Variants in RBFOX2 observed in about 807,000 individuals in gnomAD.
RBFOX2 encodes the protein RNA binding fox-1 homolog 2, also known as RNA binding protein fox-1 homolog 2.
In RBFOX2, 10 loss-of-function variants were observed where a neutral mutation model predicts 49.1. The ratio of observed to expected loss-of-function variants is 0.20; its 90% CI spans 0.13 to 0.35. The LOEUF (loss-of-function observed/expected upper bound fraction) is 0.35, where lower values mean the gene tolerates loss of function less well. Ranked by LOEUF, RBFOX2 falls within the 10% of genes least tolerant of loss-of-function variation. RBFOX2 has a pLI of 1.00. For missense variants in RBFOX2, 323 were observed against 486.9 expected, an observed-to-expected ratio of 0.66 and a Z score of 3.17; for synonymous variants, 183 against 187.4, an observed-to-expected ratio of 0.98 and a Z score of 0.19.
At position 35,784,554 on chromosome 22, in the gene RBFOX2, T is replaced by C. The variant is rs184218956; in HGVS notation, c.253-2808A>G. On this transcript the variant is annotated intron_variant, in intron 2 of 11. Coordinates refer to ENST00000405409, the Ensembl canonical transcript of RBFOX2. ...AGGCAGGCAGGCAGTCAGGCAGTCA[T>C]TCAGGTAGAAGACTTTCTAAGGCTT... Among the ~76,000 whole-genome samples the C allele has an allele frequency of 5.3e-5, 8 of 152,374 alleles. No homozygotes were observed. The East Asian group carries it at 1.2e-3, about 22-fold the overall frequency.
upstream of RBFOX2, among the ~76,000 whole-genome samples, chr22:35,939,382 T>A (rs1329259308): frequency 6.6e-6 from 1 of 152,230 alleles, no homozygotes; most frequent in Non-Finnish European, 1.5e-5. Context: ...AGAAAAGTTT[T>A]AGGTCTTCGT....
chr22:35,948,353 AT>A (rs758102463), intron 1 of RBFOX2, among the ~76,000 whole-genome samples: 4 of 152,210 alleles, frequency 2.6e-5, no homozygotes, highest in Non-Finnish European at 5.9e-5. Context: ...TTTTAAAAAA[AT>A]AAAATAAAAT....
chr22:35,750,532 C>T, intron 9 of RBFOX2: 1 of 1,141,970 alleles, frequency 8.8e-7, no homozygotes, highest in Non-Finnish European at 1.3e-6. Context: ...GGAGGGCACA[C>T]ACGGACGGCT....
intron 1 of RBFOX2, among the ~76,000 whole-genome samples, chr22:35,892,522 A>C (rs2047371239): frequency 6.6e-6 from 1 of 152,172 alleles, no homozygotes; most frequent in Non-Finnish European, 1.5e-5. Flanking sequence ...TGTAACTTTT[A>C]CTCTTCAATT....
chr22:35,910,610 G>A (rs1053150013), intron 1 of RBFOX2, among the ~76,000 whole-genome samples: 1 of 152,144 alleles, frequency 6.6e-6, no homozygotes, highest in East Asian at 1.9e-4. Context: ...GTTCTGAATA[G>A]CCATATCCAA....
chr22:35,879,554 T>C (rs1043200457), intron 1 of RBFOX2, among the ~76,000 whole-genome samples: 4 of 152,172 alleles, frequency 2.6e-5, no homozygotes, highest in Admixed American at 2.6e-4. Flanking sequence ...ACAAAGTGCC[T>C]GGCAAATTTG....
intron 1 of RBFOX2, among the ~76,000 whole-genome samples, chr22:35,978,551 G>GAA (rs2057308070): frequency 6.6e-6 from 1 of 152,112 alleles, no homozygotes; most frequent in Non-Finnish European, 1.5e-5. Context: ...GCTTTGGTAG[G>GAA]AAAAGTACAA....
chr22:35,825,424 G>C (rs866630896), intron 1 of RBFOX2, among the ~76,000 whole-genome samples: 5 of 141,552 alleles, frequency 3.5e-5, no homozygotes, highest in African/African-American at 1.3e-4. Context: ...TTTTGACTAA[G>C]TGAAAAAAAA....
intron 1 of RBFOX2, among the ~76,000 whole-genome samples, chr22:36,010,105 C>A (rs1346735145): frequency 1.3e-5 from 2 of 152,138 alleles, no homozygotes; most frequent in African/African-American, 4.8e-5. Context: ...TGAAACACTA[C>A]TGAGACCCAC....
intron 9 of RBFOX2, among the ~76,000 whole-genome samples, chr22:35,753,979 C>T (rs755618766): frequency 3.3e-5 from 5 of 150,710 alleles, no homozygotes; most frequent in African/African-American, 4.9e-5. Flanking sequence ...GATGGGGTTT[C>T]GCCATCTTGG....
At chr22:35,873,044 A>G (rs577840113) in intron 1 of RBFOX2, among the ~76,000 whole-genome samples, 54 of 152,286 alleles carry the variant, frequency 3.5e-4, no homozygotes, top group African/African-American at 1.2e-3. Flanking sequence ...TATCACCACC[A>G]TTATCTCAAT....
At chr22:35,786,555 G>A (rs1056962416) in intron 2 of RBFOX2, among the ~76,000 whole-genome samples, 3 of 152,172 alleles carry the variant, frequency 2.0e-5, no homozygotes, top group South Asian at 2.1e-4. Context: ...CACCAGTCAC[G>A]GTTCCCCTGG....
In RBFOX2 at chr22:35,761,408, A is replaced by C. The variant is rs752851201; in HGVS notation, c.661+7T>G. 1.9e-5 allele frequency: 31 copies of C among 1,614,098 alleles called. No individual in the cohort carries two copies. Among genetic ancestry groups the C allele is most frequent in the Non-Finnish European group, 2.5e-5 (29 of 1,179,912 alleles). On this transcript the variant is annotated splice_region_variant and intron_variant, in intron 7 of 11. Transcript: ENST00000405409. ...AGCACAAGTGGAAACATTTACTTAA[A>C]TACTACCTGCATATAACTCCGGACC...
At chr22:35,920,924 AGTT>A (rs1051761935) in intron 1 of RBFOX2, among the ~76,000 whole-genome samples, 5 of 152,230 alleles carry the variant, frequency 3.3e-5, no homozygotes, top group African/African-American at 1.2e-4. Context: ...GTTAAGATAA[AGTT>A]AAATATATTA....
exon 12 of RBFOX2, chr22:35,742,712 C>T (rs1930543832): frequency 6.6e-6 from 1 of 152,526 alleles, no homozygotes; most frequent in African/African-American, 2.4e-5. Context: ...CTCCCTCCTA[C>T]CTTGATAACA....
intron 1 of RBFOX2, chr22:35,994,014 T>C (rs752384201): frequency 7.2e-5 from 11 of 151,750 alleles, no homozygotes; most frequent in Non-Finnish European, 1.6e-4. Flanking sequence ...AAAAAAATCA[T>C]TAAAGGTCCC....
chr22:36,027,817 TGCCCAGG>T (rs1279679063), intron 1 of RBFOX2, among the ~76,000 whole-genome samples: 1 of 152,054 alleles, frequency 6.6e-6, no homozygotes, highest in Non-Finnish European at 1.5e-5. Context: ...TCCCAGCGTG[TGCCCAGG>T]GCTGCCAAAA....
At chr22:35,765,093 C>T (rs942277147) in intron 6 of RBFOX2, among the ~76,000 whole-genome samples, 6 of 151,134 alleles carry the variant, frequency 4.0e-5, no homozygotes, top group South Asian at 2.1e-4. Context: ...GTATTACGGA[C>T]AAGTCTAACA....
intron 1 of RBFOX2, among the ~76,000 whole-genome samples, chr22:35,897,070 A>AT (rs1249657203): frequency 4.6e-5 from 7 of 152,048 alleles, no homozygotes; most frequent in Non-Finnish European, 4.4e-5. Flanking sequence ...TAAGAGATTC[A>AT]TTTTTTCAAA....
Sources: allele counts gnomAD v4.1 joint callset (sites outside exome capture counted in the v4.1 genomes callset), GRCh38; gene constraint gnomAD v4.1.1; transcripts MANE v1.5; gene names NCBI Gene and HGNC (gene_info 2026-07-23, HGNC 2026-07-21).